The following TMEM131L variants were observed in gnomAD, a reference collection of about 807,000 sequenced individuals.
The protein encoded by TMEM131L is transmembrane 131 like, also known as transmembrane protein 131-like.
Under a neutral mutation model 192.2 loss-of-function variants are expected in TMEM131L, and 54 were observed. That is an observed-to-expected ratio of 0.28 (90% CI 0.23 to 0.35). The LOEUF (loss-of-function observed/expected upper bound fraction) is 0.35, where lower values mean the gene tolerates loss of function less well. Ranked by LOEUF, TMEM131L falls within the 10% of genes least tolerant of loss-of-function variation. The pLI is 1.00. For synonymous variants in TMEM131L, 701 were observed against 704.9 expected (o/e 0.99, Z 0.09); for missense variants, 1,888 against 1,972.9 (o/e 0.96, Z 0.82).
intron 30 of TMEM131L, among the ~76,000 whole-genome samples, chr4:153,626,931 A>T (rs1733883721): frequency 3.3e-5 from 5 of 152,198 alleles, no homozygotes; most frequent in Admixed American, 3.3e-4. Context: ...CCCTATGATG[A>T]TTTCTGCAGC....
At chr4:153,578,522 GTTTT>G (rs34872169) in intron 7 of TMEM131L, among the ~76,000 whole-genome samples, 1 of 127,814 alleles carries the variant, frequency 7.8e-6, no homozygotes. Context: ...TGCCCAGCTA[GTTTT>G]TTTTTTTTTT....
At chr4:153,477,494 ATTCG>A (rs1292459794) in intron 3 of TMEM131L, among the ~76,000 whole-genome samples, 2 of 152,196 alleles carry the variant, frequency 1.3e-5, no homozygotes, top group African/African-American at 4.8e-5. Flanking sequence ...ACTTTAAGAT[ATTCG>A]TAGATTTTGT....
At chr4:153,468,394 G>A (rs1474739478) in intron 2 of TMEM131L, among the ~76,000 whole-genome samples, 1 of 152,146 alleles carries the variant, frequency 6.6e-6, no homozygotes, top group Non-Finnish European at 1.5e-5. Context: ...TCAGGATGAG[G>A]AGCAGATAGT....
intron 21 of TMEM131L, chr4:153,601,855 C>T (rs1413306567): frequency 1.1e-5 from 2 of 187,112 alleles, no homozygotes; most frequent in Non-Finnish European, 2.2e-5. Context: ...TTAACCTTAA[C>T]CTTTAACAAG....
chr4:153,607,216 C>T (rs756438265), intron 25 of TMEM131L, among the ~76,000 whole-genome samples: 3 of 152,176 alleles, frequency 2.0e-5, no homozygotes, highest in Admixed American at 6.5e-5. Context: ...AAATGATAAA[C>T]GCGTATAATT....
intron 26 of TMEM131L, among the ~76,000 whole-genome samples, chr4:153,618,053 T>C (rs896278357): frequency 6.6e-6 from 1 of 152,184 alleles, no homozygotes; most frequent in Non-Finnish European, 1.5e-5. Flanking sequence ...TTATTGCTTA[T>C]TTGATTTTAC....
intron 3 of TMEM131L, among the ~76,000 whole-genome samples, chr4:153,486,382 G>A (rs542380592): frequency 6.6e-6 from 1 of 152,332 alleles, no homozygotes. Context: ...GCCTTTAGAG[G>A]AGCTGTCCTG....
rs193244721 is a variant in TMEM131L at position 153,477,863 on chromosome 4, A to G, written c.239+3975A>G. On this transcript the variant is annotated intron_variant, in intron 3 of 34. Transcript: ENST00000409959. ...TATAATTCACCCATTTAAAGTGCAC[A>G]GTTGGTTTTCAGCATATTCAGAGTT... is the stretch of plus-strand genomic sequence containing the variant. Among the ~76,000 whole-genome samples, 906 of 152,296 alleles carry G rather than the reference A, an allele frequency of 5.9e-3. 5 individuals carry two copies. Among genetic ancestry groups the G allele is most frequent in the Non-Finnish European group, 8.9e-3 (608 of 68,026 alleles).
chr4:153,603,810 G>A lies in TMEM131L; in HGVS notation c.2798G>A (p.Cys933Tyr). The part of the protein sequence containing the change: ...VISPHSYKSN[C>Y]KNFLDTYGPS... ...TTTCTTCTTAAATTCAGAAGCAATT[G>A]CAAGAACTTTCTCGATACATATGGC... is the stretch of plus-strand genomic sequence containing the variant. The change falls in exon 25 of 35, where the codon TGC (cysteine) becomes TAC (tyrosine). Residue 933 changes from cysteine (C) to tyrosine (Y), a missense_variant. By Grantham distance (194) the Cys-to-Tyr change is radical. Transcript: ENST00000409959. 1 of 1,576,396 alleles carries A rather than the reference G, an allele frequency of 6.3e-7. No individual in the cohort carries two copies. Among genetic ancestry groups the A allele is most frequent in the Non-Finnish European group, 8.6e-7 (1 of 1,166,996 alleles).
At position 153,584,935 on chromosome 4, in the gene TMEM131L, G is replaced by A. The variant is rs371808088; in HGVS notation, c.1157+4G>A. On this transcript the variant is annotated splice_donor_region_variant and intron_variant, in intron 12 of 34. Coordinates refer to ENST00000409959, the MANE Select transcript of TMEM131L (RefSeq NM_001131007.2). ...TCTTCTCTTCTGTGGCTCAGGGGTA[G>A]GTTACTTCCACTTTCCCTGAAATCT... 1.2e-6 allele frequency: 2 copies of A among 1,605,034 alleles called. No individual in the cohort carries two copies. The highest frequency in any genetic ancestry group is 1.3e-5 in the African/African-American group (1 of 74,704).
chr4:153,511,944 A>G (rs1160315313), intron 3 of TMEM131L, among the ~76,000 whole-genome samples: 1 of 152,190 alleles, frequency 6.6e-6, no homozygotes, highest in South Asian at 2.1e-4. Context: ...ACTGATTTTT[A>G]TGGTTAAATA....
chr4:153,602,176 T>C lies in TMEM131L; in HGVS notation c.2291T>C (p.Leu764Ser). The C allele has an allele frequency of 6.3e-7, 1 of 1,599,480 alleles. No individual in the cohort carries two copies. The highest frequency in any genetic ancestry group is 2.2e-5 in the East Asian group (1 of 44,670). Reference protein sequence around the residue: ...RRQLKDSKQILSITKNFKVEN... With the variant: ...RRQLKDSKQISSITKNFKVEN... ...GAACTGAAAGACAGTAAGCAAATTT[T>C]ATCTATTACAAAGAACTTTAAAGTT... The change falls in exon 22 of 35, where the codon TTA (leucine) becomes TCA (serine). Residue 764 changes from leucine to serine, a missense_variant. Coordinates refer to ENST00000409959, the MANE Select transcript of TMEM131L (RefSeq NM_001131007.2).
chr4:153,563,165 A>G (rs1728953521), intron 7 of TMEM131L, among the ~76,000 whole-genome samples: 1 of 152,232 alleles, frequency 6.6e-6, no homozygotes, highest in Non-Finnish European at 1.5e-5. Flanking sequence ...CAAAATTTGC[A>G]GGTACTGCTT....
In TMEM131L at chr4:153,636,568, A is replaced by T. The variant is rs751061085; in HGVS notation, c.4825A>T (p.Asn1609Tyr). ...GTCTAGAGACTCGAGTTACTGTGGG[A>T]ATGTGTGAAAATAATTGGATTTTTA... The part of the protein sequence containing the change: ...PLSRDSSYCG[N>Y]V Residue 1609 changes from asparagine to tyrosine, a missense_variant, in exon 35 of 35, where the codon AAT (asparagine) becomes TAT (tyrosine). Asn to Tyr is a moderately radical substitution (Grantham distance 143). Coordinates refer to ENST00000409959, the MANE Select transcript of TMEM131L (RefSeq NM_001131007.2). 1 of 1,609,468 alleles carries T rather than the reference A, an allele frequency of 6.2e-7. No individual in the cohort carries two copies. The highest frequency in any genetic ancestry group is 1.7e-5 in the Admixed American group (1 of 59,808).
chr4:153,498,460 T>A (rs1733348453), intron 3 of TMEM131L, among the ~76,000 whole-genome samples: 1 of 152,220 alleles, frequency 6.6e-6, no homozygotes, highest in South Asian at 2.1e-4. Flanking sequence ...ATAAAAATGT[T>A]TTTTGCAGGA....
At chr4:153,538,321 G>A (rs763463700) in intron 3 of TMEM131L, among the ~76,000 whole-genome samples, 1 of 152,030 alleles carries the variant, frequency 6.6e-6, no homozygotes, top group Admixed American at 6.6e-5. Context: ...GTCCTTGTAC[G>A]TCCCTGCAGG....
Position 153,635,533 on chromosome 4 carries a change from C to T in TMEM131L, c.4519C>T (p.Pro1507Ser). ...QSTWNTPPNM[P>S]AAWGHASFIS... ...TACCTGGAACACCCCACCCAACATG[C>T]CTGCTGCCTGGGGACATGCCAGTTT... The change falls in exon 34 of 35, where the codon CCT becomes TCT. Residue 1507 changes from proline to serine, a missense_variant. Physicochemically the swap from Pro to Ser is moderately conservative, Grantham distance 74. Coordinates refer to ENST00000409959, the MANE Select transcript of TMEM131L (RefSeq NM_001131007.2). 6.2e-7 allele frequency: 1 copy of T among 1,614,182 alleles called. No individual in the cohort carries two copies.
At chr4:153,518,590 A>G (rs1036822565) in intron 3 of TMEM131L, among the ~76,000 whole-genome samples, 2 of 152,204 alleles carry the variant, frequency 1.3e-5, no homozygotes, top group Admixed American at 6.5e-5. Context: ...CAGGGAAGGG[A>G]TATAGAATAG....
intron 3 of TMEM131L, among the ~76,000 whole-genome samples, chr4:153,514,282 A>G (rs182319893): frequency 1.3e-5 from 2 of 152,236 alleles, no homozygotes; most frequent in Non-Finnish European, 2.9e-5. Context: ...TACACAATGC[A>G]CATGCTCTGT....
Sources: gnomAD v4.1 joint callset for allele counts (sites outside exome capture counted in the v4.1 genomes callset) on GRCh38, gnomAD v4.1.1 for gene constraint, MANE v1.5 for transcripts, NCBI Gene and HGNC (gene_info 2026-07-23, HGNC 2026-07-21) for gene names.